BDNF: variants seen among roughly 807,000 people sequenced by gnomAD.
The protein encoded by BDNF is brain derived neurotrophic factor.
Under a neutral mutation model 19.5 loss-of-function variants are expected in BDNF, and 1 was observed. The ratio of observed to expected loss-of-function variants is 0.05; its 90% CI spans 0.02 to 0.24. BDNF has a LOEUF of 0.24. Ranked by LOEUF, BDNF falls within the 10% of genes least tolerant of loss-of-function variation. The probability of loss-of-function intolerance (pLI) is 1.00; values close to 1 mark genes in which losing one functional copy is unlikely to be tolerated. For synonymous variants in BDNF, 100 were observed against 121.6 expected (o/e 0.82, Z 1.17); for missense variants, 195 against 317.6 (o/e 0.61, Z 2.93).
Position 27,658,878 on chromosome 11 carries a change from C to T in BDNF, c.-21-293G>A, listed in dbSNP as rs1739183455. The T allele has an allele frequency of 2.3e-6, 3 of 1,280,234 alleles. No individual in the cohort carries two copies. Among genetic ancestry groups the T allele is most frequent in the Admixed American group, 3.9e-5 (1 of 25,774 alleles). 79.3% of individuals were successfully genotyped at this position (1,280,234 alleles called of 1,614,324 possible). A position where few individuals can be genotyped will look rare whatever the true frequency, so the allele number is the denominator to read the frequency against. On this transcript the variant is annotated intron_variant, in intron 1 of 1. Coordinates refer to ENST00000356660, the MANE Select transcript of BDNF (RefSeq NM_001709.5). The surrounding 1 kb of genome is among the most constrained non-coding windows in gnomAD (Gnocchi z 5.7). ...ATTGTGGCTTCAAGTTCTCCTTCTT[C>T]CCACTTTAGCAGCTTTGTAAGTTTA...
Position 27,719,666 on chromosome 11 carries a change from A to G in BDNF, c.3+1746T>C, listed in dbSNP as rs906689155. 8 of 983,144 alleles carry G rather than the reference A, an allele frequency of 8.1e-6. No individual in the cohort carries two copies. In the African/African-American group the frequency reaches 1.2e-4, roughly 15 times the overall value. 60.9% of individuals were successfully genotyped at this position (983,144 alleles called of 1,614,324 possible). ...AAAAAAAGAAAACCCAGAAAGAAGC[A>G]TCCAGCGAGGAGCGAGGGCGACGGA... On this transcript the variant is annotated intron_variant, in intron 1 of 1. Coordinates refer to the BDNF transcript ENST00000314915.
At chr11:27,699,681 AG>A in intron 1 of BDNF, 2 of 1,412,202 alleles carry the variant, frequency 1.4e-6, no homozygotes, top group Non-Finnish European at 1.8e-6. Context: ...GCTCCGGGGA[AG>A]GGATGCGGGC....
intron 1 of BDNF, chr11:27,699,603 G>C: frequency 6.8e-7 from 1 of 1,468,976 alleles, no homozygotes; most frequent in Non-Finnish European, 9.0e-7. Context: ...AGTTTTCCAA[G>C]CTACATTGGC....
At chr11:27,699,395 C>T (rs760547277) in intron 1 of BDNF, 13 of 1,614,014 alleles carry the variant, frequency 8.1e-6, no homozygotes, top group Non-Finnish European at 7.6e-6. Flanking sequence ...TTCCTCTTCC[C>T]GGCTCTGCAT....
At chr11:27,714,492 G>C (rs1000684622) in intron 1 of BDNF, among the ~76,000 whole-genome samples, 2 of 151,984 alleles carry the variant, frequency 1.3e-5, no homozygotes, top group African/African-American at 4.8e-5. Flanking sequence ...CGCACCACCT[G>C]CTTTTAAAAA....
chr11:27,682,556 C>G (rs1856979453), intron 1 of BDNF, among the ~76,000 whole-genome samples: 1 of 152,062 alleles, frequency 6.6e-6, no homozygotes, highest in South Asian at 2.1e-4. Flanking sequence ...TATCCCTCCC[C>G]TAGCCTCCTA....
intron 1 of BDNF, chr11:27,699,426 C>T: frequency 6.2e-7 from 1 of 1,614,120 alleles, no homozygotes; most frequent in Non-Finnish European, 8.5e-7. Context: ...TAACCCGAGT[C>T]AAGAATCCCC....
chr11:27,674,111 G>A, intron 1 of BDNF: 1 of 1,611,976 alleles, frequency 6.2e-7, no homozygotes, highest in Non-Finnish European at 8.5e-7. Flanking sequence ...CTGAAACGTG[G>A]AGGTACACAG....
intron 1 of BDNF, chr11:27,659,576 A>G: frequency 1.0e-6 from 1 of 1,000,326 alleles, no homozygotes; most frequent in African/African-American, 1.7e-5. Flanking sequence ...TCTGGCTAAT[A>G]CACACATCTA....
intron 1 of BDNF, among the ~76,000 whole-genome samples, chr11:27,664,566 C>A (rs1354466743): frequency 6.6e-6 from 1 of 152,046 alleles, no homozygotes; most frequent in East Asian, 1.9e-4. Context: ...ATCACTAGAG[C>A]CCAGGAATTC....
intron 1 of BDNF, among the ~76,000 whole-genome samples, chr11:27,685,712 A>G (rs1434622095): frequency 1.3e-5 from 2 of 152,132 alleles, no homozygotes; most frequent in African/African-American, 4.8e-5. Context: ...TATGGTTTTG[A>G]GTTAGTTTCT....
At chr11:27,693,562 G>A (rs1455244769) in intron 1 of BDNF, among the ~76,000 whole-genome samples, 6 of 152,204 alleles carry the variant, frequency 3.9e-5, no homozygotes, top group Non-Finnish European at 7.3e-5. Context: ...GGTGCTGGAT[G>A]TATTTTCCCA....
chr11:27,658,712 G>GAC lies in BDNF; in HGVS notation c.-21-128_-21-127insGT. The GAC allele has an allele frequency of 6.4e-7, 1 of 1,570,142 alleles. No homozygotes were observed. The highest frequency in any genetic ancestry group is 1.7e-4 in the Middle Eastern group (1 of 5,886). The stretch of plus-strand genomic sequence containing the variant: ...GGTCAAGGTTTTTTTATGTCTTGGT[G>GAC]ATAAACTCCAGCTGCACCAGACACA... On this transcript the variant is annotated intron_variant, in intron 1 of 1. Coordinates refer to ENST00000356660, the MANE Select transcript of BDNF (RefSeq NM_001709.5). The surrounding 1 kb of genome is among the most constrained non-coding windows in gnomAD (Gnocchi z 5.7).
intron 1 of BDNF, chr11:27,659,013 G>T: frequency 9.2e-7 from 1 of 1,084,044 alleles, no homozygotes; most frequent in Non-Finnish European, 1.1e-6. Context: ...TTAGCAACAT[G>T]GTCCTTTGCA....
At chr11:27,672,223 C>A (rs1178176070) in intron 1 of BDNF, among the ~76,000 whole-genome samples, 13 of 150,056 alleles carry the variant, frequency 8.7e-5, no homozygotes, top group African/African-American at 3.2e-4. Context: ...TAGAATATTG[C>A]TGACCTAAAT....
At chr11:27,690,009 A>G (rs532900553) in intron 1 of BDNF, among the ~76,000 whole-genome samples, 1 of 152,264 alleles carries the variant, frequency 6.6e-6, no homozygotes, top group East Asian at 1.9e-4. Context: ...CAAGTTTAAG[A>G]AAGTCATTGT....
At position 27,699,730 on chromosome 11, in the gene BDNF, C is replaced by A. The variant is rs924765855; in HGVS notation, c.-22+434G>T. 24 of 1,355,590 alleles carry A rather than the reference C, an allele frequency of 1.8e-5. No homozygotes were observed. In the African/African-American group the frequency reaches 2.9e-4, roughly 17 times the overall value. The allele number at this position is 1,355,590 out of a possible 1,614,324, so 84.0% of individuals were successfully genotyped here. On this transcript the variant is annotated intron_variant, in intron 1 of 1. Transcript: ENST00000356660. ...CTTCCCTCCCACTCCCCCCGCAAGT[C>A]GGCGCGGGGACCACCCACCCCCTGG... is the stretch of plus-strand genomic sequence containing the variant.
chr11:27,660,184 T>C (rs1196277082), intron 1 of BDNF: 1 of 1,186,232 alleles, frequency 8.4e-7, no homozygotes, highest in African/African-American at 1.6e-5. Flanking sequence ...AATGCAGAAA[T>C]GGCTGAAAAC....
chr11:27,700,564 C>G, upstream of BDNF: 1 of 949,932 alleles, frequency 1.1e-6, no homozygotes, highest in South Asian at 5.0e-5. Flanking sequence ...CGCTCGCCCG[C>G]GCTACCGATA....
Sources: allele counts gnomAD v4.1 joint callset (sites outside exome capture counted in the v4.1 genomes callset), GRCh38; gene constraint gnomAD v4.1.1; non-coding constraint Gnocchi (gnomAD v3.1); transcripts MANE v1.5; gene names NCBI Gene and HGNC (gene_info 2026-07-23, HGNC 2026-07-21).